The following IDO2 variants were observed in gnomAD, a reference collection of about 807,000 sequenced individuals.
The protein encoded by IDO2 is indoleamine 2,3-dioxygenase 2.
In IDO2, 46 loss-of-function variants were observed where a neutral mutation model predicts 45.1. That is an observed-to-expected ratio of 1.02 (90% CI 0.80 to 1.30). The LOEUF (loss-of-function observed/expected upper bound fraction) is 1.30, where lower values mean the gene tolerates loss of function less well. IDO2 is among the 50% of genes most tolerant of loss of function. The pLI, the probability that IDO2 is intolerant of heterozygous loss-of-function variation, is 0.00. For missense variants in IDO2, 544 were observed against 491.8 expected (o/e 1.11, Z -1.00); for synonymous variants, 218 against 184.9 (o/e 1.18, Z -1.45).
At chr8:39,968,436 G>A (rs1376110253) in intron 3 of IDO2, among the ~76,000 whole-genome samples, 1 of 152,166 alleles carries the variant, frequency 6.6e-6, no homozygotes, top group Non-Finnish European at 1.5e-5. Flanking sequence ...TGGCACTCAG[G>A]TGATGGATAT....
exon 2 of IDO2, chr8:39,949,240 T>C: frequency 6.3e-7 from 1 of 1,598,738 alleles, no homozygotes; most frequent in Non-Finnish European, 8.5e-7. Context: ...CTGAAGAGTA[T>C]GGCTTTCTTC....
chr8:39,990,810 G>A (rs1029989786), intron 8 of IDO2, among the ~76,000 whole-genome samples: 15 of 152,208 alleles, frequency 9.9e-5, no homozygotes, highest in Admixed American at 6.5e-5. Context: ...GGCATGGTCA[G>A]TTACGGGGCC....
intron 1 of IDO2, among the ~76,000 whole-genome samples, chr8:39,945,608 A>C (rs60316762): frequency 0.2 from 30,925 of 152,150 alleles, 3,397 homozygotes; most frequent in South Asian, 0.32. Context: ...TTAGGGAAGA[A>C]TGTCTAAAGA....
At chr8:39,975,079 T>C (rs978903421) in intron 3 of IDO2, among the ~76,000 whole-genome samples, 5 of 151,764 alleles carry the variant, frequency 3.3e-5, no homozygotes, top group Non-Finnish European at 7.4e-5. Flanking sequence ...ATCATGCCAC[T>C]GTACTCCAGC....
exon 11 of IDO2, chr8:40,015,914 T>A (rs749736312): frequency 2.8e-6 from 1 of 360,864 alleles, no homozygotes; most frequent in Non-Finnish European, 4.9e-6. Flanking sequence ...CCAATCTAAA[T>A]GTCAAAAATC....
intron 4 of IDO2, among the ~76,000 whole-genome samples, chr8:39,980,117 G>A (rs1051231454): frequency 6.6e-6 from 1 of 152,086 alleles, no homozygotes; most frequent in Non-Finnish European, 1.5e-5. Context: ...CACCATGCCG[G>A]GCCTGAAGAC....
chr8:39,946,985 C>A (rs1378993619), intron 1 of IDO2, among the ~76,000 whole-genome samples: 1 of 151,852 alleles, frequency 6.6e-6, no homozygotes, highest in Non-Finnish European at 1.5e-5. Context: ...CATGGTGAAA[C>A]CCCATCTCTA....
At chr8:39,964,053 C>T (rs1026854462) in intron 3 of IDO2, among the ~76,000 whole-genome samples, 1 of 152,116 alleles carries the variant, frequency 6.6e-6, no homozygotes, top group Non-Finnish European at 1.5e-5. Context: ...ATTCCATGTA[C>T]GTACTCAAGG....
chr8:39,940,923 A>G (rs549525174), intron 1 of IDO2, among the ~76,000 whole-genome samples: 1 of 125,820 alleles, frequency 7.9e-6, no homozygotes, highest in East Asian at 2.7e-4. Context: ...AAATACAAAT[A>G]AAATTGAAAA....
intron 3 of IDO2, among the ~76,000 whole-genome samples, chr8:39,974,952 G>A (rs1272531693): frequency 6.7e-6 from 1 of 149,070 alleles, no homozygotes; most frequent in Non-Finnish European, 1.5e-5. Context: ...CAAAACAAAA[G>A]CACAAAATTA....
rs1802075044 is a variant in IDO2, at chr8:39,997,961, T to C, written c.668-7366T>C. Reference sequence around the variant, plus strand: ...GCCCAGCAGCAGGTATGAAGCCGGCTGGTGACTGGCTAGCAAATGCCTATT... The same window carrying C: ...GCCCAGCAGCAGGTATGAAGCCGGCCGGTGACTGGCTAGCAAATGCCTATT... On this transcript the variant is annotated intron_variant, in intron 8 of 10. Transcript: ENST00000502986. The C allele has an allele frequency of 1.3e-5, 3 of 225,700 alleles. No homozygotes were observed. The South Asian group carries it at 2.3e-4, about 18-fold the overall frequency. The allele number at this position is 225,700 out of a possible 1,614,324, so 14.0% of individuals were successfully genotyped here.
chr8:39,965,303 T>G (rs972785183), intron 3 of IDO2, among the ~76,000 whole-genome samples: 1 of 152,054 alleles, frequency 6.6e-6, no homozygotes, highest in African/African-American at 2.4e-5. Context: ...CTGAGAAACA[T>G]GGTGAAACCA....
At chr8:39,957,681 G>C (rs1282479039) in intron 2 of IDO2, among the ~76,000 whole-genome samples, 2 of 152,176 alleles carry the variant, frequency 1.3e-5, no homozygotes, top group African/African-American at 4.8e-5. Context: ...GGGCCCCTGT[G>C]ATGCTCACCT....
At chr8:39,937,147 A>T (rs772535531) in intron 1 of IDO2, among the ~76,000 whole-genome samples, 1 of 152,176 alleles carries the variant, frequency 6.6e-6, no homozygotes, top group African/African-American at 2.4e-5. Flanking sequence ...CAGCTTTTGA[A>T]TTTTATTTTG....
At chr8:39,994,760 A>T (rs1355259247) in intron 8 of IDO2, among the ~76,000 whole-genome samples, 1 of 152,154 alleles carries the variant, frequency 6.6e-6, no homozygotes, top group Non-Finnish European at 1.5e-5. Flanking sequence ...ATTTACTCAA[A>T]CTTCCTTTTA....
chr8:40,008,115 C>T (rs577007886), intron 9 of IDO2, among the ~76,000 whole-genome samples: 8 of 148,016 alleles, frequency 5.4e-5, no homozygotes, highest in Admixed American at 6.8e-5. Context: ...GGCACGATCT[C>T]GGCTCACCAC....
At chr8:39,962,465 C>A (rs1808013428) in intron 2 of IDO2, among the ~76,000 whole-genome samples, 1 of 152,322 alleles carries the variant, frequency 6.6e-6, no homozygotes, top group Admixed American at 6.5e-5. Context: ...ATATATTCTA[C>A]ACACAGCACA....
chr8:39,995,191 T>TTCTCCTTCTCCTTCTCCTTCTCCTTCTC (rs1563438174), intron 8 of IDO2: 4 of 80,990 alleles, frequency 4.9e-5, no homozygotes, highest in East Asian at 3.0e-4. Flanking sequence ...TTCTTCTTCT[T>TTCTCCTTCTCCTTCTCCTTCTCCTTCTC]CTTCTTCTTC....
intron 4 of IDO2, among the ~76,000 whole-genome samples, chr8:39,981,312 C>T (rs926957149): frequency 1.3e-5 from 2 of 151,776 alleles, no homozygotes; most frequent in East Asian, 1.9e-4. Flanking sequence ...TGCCCGCCTT[C>T]GCCTCCCAAA....
Sources: gnomAD v4.1 joint callset for allele counts (sites outside exome capture counted in the v4.1 genomes callset) on GRCh38, gnomAD v4.1.1 for gene constraint, MANE v1.5 for transcripts, NCBI Gene and HGNC (gene_info 2026-07-23, HGNC 2026-07-21) for gene names.